The following ISX variants were observed in gnomAD, a reference collection of about 807,000 sequenced individuals.
ISX encodes the protein intestine-specific homeobox.
ISX carries 15 observed loss-of-function variants against 16.9 expected under a neutral mutation model. The observed-to-expected ratio is 0.89, with a 90% CI of 0.59 to 1.36. ISX has a LOEUF of 1.36. Among genes scored for constraint, ISX ranks in the 40% most tolerant of loss-of-function variants. ISX has a pLI of 0.00. For missense variants in ISX, 316 were observed against 306.1 expected, an observed-to-expected ratio of 1.03 and a Z score of -0.24; for synonymous variants, 125 against 119.7, an observed-to-expected ratio of 1.04 and a Z score of -0.29.
At chr22:35,084,189 A>G (rs550419103) in intron 3 of ISX, among the ~76,000 whole-genome samples, 194 bp from the exon 4 acceptor site, 2 of 152,386 alleles carry the variant, frequency 1.3e-5, no homozygotes, top group East Asian at 3.9e-4. Flanking sequence ...CTGGCCCTGT[A>G]GGCATTGAAG....
intron 2 of ISX, among the ~76,000 whole-genome samples, chr22:35,068,026 TCAGGAACC>T (rs1928750824): frequency 6.6e-6 from 1 of 152,146 alleles, no homozygotes; most frequent in South Asian, 2.1e-4. Flanking sequence ...CTGCTAACAG[TCAGGAACC>T]CAGGATGTGA....
At chr22:35,077,669 G>A (rs1330358274) in intron 2 of ISX, among the ~76,000 whole-genome samples, 2 of 152,084 alleles carry the variant, frequency 1.3e-5, no homozygotes, top group African/African-American at 4.8e-5. Context: ...TTTATCCTGA[G>A]AATGTGTAGT....
intron 2 of ISX, among the ~76,000 whole-genome samples, chr22:35,077,993 G>C (rs772332440): frequency 6.6e-6 from 1 of 151,998 alleles, no homozygotes; most frequent in Non-Finnish European, 1.5e-5. Context: ...GCTTATTTTC[G>C]TTATGACCCG....
Position 35,067,047 on chromosome 22 carries a change from C to A in ISX, c.-41C>A, listed in dbSNP as rs528377839. 2 of 1,517,868 alleles carry A rather than the reference C, an allele frequency of 1.3e-6. No individual in the cohort carries two copies. Among genetic ancestry groups the A allele is most frequent in the South Asian group, 1.2e-5 (1 of 85,952 alleles). The allele number at this position is 1,517,868 out of a possible 1,614,324, so 94.0% of individuals were successfully genotyped here. On this transcript the variant is annotated 5_prime_UTR_variant, in exon 2 of 5. Transcript: ENST00000404699. The stretch of plus-strand genomic sequence containing the variant: ...GAGGAAGTACGCCACTCTCCACTGG[C>A]ACCCTCCTTGGCCTACACAGAGTCA...
chr22:35,074,840 G>A (rs934377692), intron 2 of ISX, among the ~76,000 whole-genome samples: 1 of 151,744 alleles, frequency 6.6e-6, no homozygotes, highest in Non-Finnish European at 1.5e-5. Context: ...GAGAGGAAGT[G>A]GAGAGGGTCT....
intron 2 of ISX, among the ~76,000 whole-genome samples, chr22:35,069,773 G>A (rs748949623): frequency 1.3e-5 from 2 of 152,112 alleles, no homozygotes; most frequent in Non-Finnish European, 1.5e-5. Flanking sequence ...AGAGCAACAG[G>A]AGCAGAAACA....
chr22:35,085,953 T>G lies in ISX; in HGVS notation c.*260T>G, dbSNP rs548741976. The G allele has an allele frequency of 1.9e-6, 1 of 529,334 alleles. No individual in the cohort carries two copies. Among genetic ancestry groups the G allele is most frequent in the Non-Finnish European group, 3.4e-6 (1 of 293,504 alleles). The allele number at this position is 529,334 out of a possible 1,614,324, so 32.8% of individuals were successfully genotyped here. ...GGCTGGATGAGATCTCAGGCCGAGC[T>G]CTGAAATAGGGAGGTAATCCTCCAG... On this transcript the variant is annotated 3_prime_UTR_variant, in exon 5 of 5. Coordinates refer to ENST00000404699, the MANE Select transcript of ISX (RefSeq NM_001303508.2).
At position 35,085,470 on chromosome 22, in the gene ISX, C is replaced by T. The variant is rs1929228913; in HGVS notation, c.515C>T (p.Ser172Phe). The change falls in exon 5 of 5, where the codon TCC becomes TTC. Residue 172 changes from serine (S) to phenylalanine (F), a missense_variant. Physicochemically the swap from Ser to Phe is radical, Grantham distance 155. Transcript: ENST00000404699. The stretch of plus-strand genomic sequence containing the variant: ...TTGTGACAGGGGCCCACGTGGACAT[C>T]CACTGCTCTGCGCAGGCTGGCTCCT... Reference protein sequence around the residue: ...NLDVAGPTWTSTALRRLAPPT... With the variant: ...NLDVAGPTWTFTALRRLAPPT... The T allele has an allele frequency of 6.2e-7, 1 of 1,614,200 alleles. No individual in the cohort carries two copies. The highest frequency in any genetic ancestry group is 8.5e-7 in the Non-Finnish European group (1 of 1,180,036).
intron 4 of ISX, among the ~76,000 whole-genome samples, chr22:35,085,044 G>A (rs775139736): frequency 2.6e-5 from 4 of 152,144 alleles, no homozygotes; most frequent in Non-Finnish European, 5.9e-5. Context: ...ACGGGATAGA[G>A]CAGTAAACAA....
At chr22:35,080,313 C>T (rs1395227273) in intron 2 of ISX, among the ~76,000 whole-genome samples, 1 of 152,170 alleles carries the variant, frequency 6.6e-6, no homozygotes, top group Non-Finnish European at 1.5e-5. Flanking sequence ...CCTCAGTTCC[C>T]CTTTGAGCTC....
intron 2 of ISX, among the ~76,000 whole-genome samples, chr22:35,074,378 A>G (rs934849373): frequency 6.6e-6 from 1 of 152,098 alleles, no homozygotes; most frequent in Non-Finnish European, 1.5e-5. Context: ...CTTCTACTTC[A>G]CTGTTCCATG....
intron 2 of ISX, among the ~76,000 whole-genome samples, chr22:35,073,379 T>A (rs1928904570): frequency 6.6e-6 from 1 of 152,168 alleles, no homozygotes; most frequent in South Asian, 2.1e-4. Context: ...GGTTTCAGGA[T>A]GATTCCAGCA....
intron 2 of ISX, among the ~76,000 whole-genome samples, chr22:35,070,240 CCAGGT>C (rs1928814220): frequency 6.6e-6 from 1 of 152,210 alleles, no homozygotes. Flanking sequence ...TTGGACCCTC[CCAGGT>C]CTTAAAAGTC....
intron 4 of ISX, 111 bp downstream of exon 4, chr22:35,084,610 G>A: frequency 1.6e-6 from 1 of 641,692 alleles, no homozygotes; most frequent in Non-Finnish European, 2.7e-6. Flanking sequence ...AGGAAAAAGT[G>A]CAAGGAAAAT....
At chr22:35,084,589 G>A (rs1413596399) in intron 4 of ISX, 90 bp downstream of exon 4, 5 of 796,304 alleles carry the variant, frequency 6.3e-6, no homozygotes, top group Non-Finnish European at 1.0e-5. Flanking sequence ...CACCTCGGGG[G>A]CTCTGTCTAC....
At chr22:35,079,461 G>A (rs1929070033) in intron 2 of ISX, among the ~76,000 whole-genome samples, 1 of 152,104 alleles carries the variant, frequency 6.6e-6, no homozygotes, top group Admixed American at 6.5e-5. Flanking sequence ...CTCTCTCGGG[G>A]AGCCAGTTCC....
chr22:35,072,474 A>G (rs1408500954), intron 2 of ISX, among the ~76,000 whole-genome samples: 1 of 152,234 alleles, frequency 6.6e-6, no homozygotes, highest in Non-Finnish European at 1.5e-5. Context: ...TGGAGCAAAC[A>G]TACTCCCTAG....
intron 2 of ISX, among the ~76,000 whole-genome samples, chr22:35,069,734 C>T (rs2413292): frequency 0.21 from 31,924 of 152,054 alleles, 3,516 homozygotes; most frequent in Admixed American, 0.28. Flanking sequence ...TGTTTTACGT[C>T]CCTCCTTTTG....
chr22:35,076,691 A>G (rs1009571693), intron 2 of ISX, among the ~76,000 whole-genome samples: 3 of 152,188 alleles, frequency 2.0e-5, no homozygotes, highest in Non-Finnish European at 4.4e-5. Context: ...ACCCCAGAGA[A>G]GAAGCAATCA....
Sources: allele counts gnomAD v4.1 joint callset (sites outside exome capture counted in the v4.1 genomes callset), GRCh38; gene constraint gnomAD v4.1.1; transcripts MANE v1.5; gene names NCBI Gene and HGNC (gene_info 2026-07-23, HGNC 2026-07-21).